The following HTRA1 variants were observed in gnomAD, a reference collection of about 807,000 sequenced individuals.
HTRA1 encodes serine protease HTRA1.
A neutral mutation model predicts 49.7 loss-of-function variants in HTRA1; 26 were observed. That is an observed-to-expected ratio of 0.52 (90% CI 0.38 to 0.73). HTRA1 has a LOEUF of 0.73. Among genes scored for constraint, HTRA1 ranks in the 30% least tolerant of loss-of-function variants. The pLI is 0.00. For synonymous variants in HTRA1, 291 were observed against 286.9 expected (o/e 1.01, Z -0.14); for missense variants, 561 against 667.2 (o/e 0.84, Z 1.75).
At position 122,506,990 on chromosome 10, in the gene HTRA1, G is replaced by A; in HGVS notation, c.972+105G>A. ...CTGACTTTGTTGTAGTCTGCGTGAA[G>A]GGATGGAACTAGACCAAGCCATGTG... On this transcript the variant is annotated intron_variant, in intron 4 of 8. Coordinates refer to ENST00000368984, the MANE Select transcript of HTRA1 (RefSeq NM_002775.5). This position sits in a 1 kb window ranked among gnomAD's most constrained non-coding sequence, Gnocchi z 5.2. 2.0e-6 allele frequency: 2 copies of A among 1,018,640 alleles called. No individual in the cohort carries two copies. The highest frequency in any genetic ancestry group is 3.0e-6 in the Non-Finnish European group (2 of 671,768). 63.1% of individuals were successfully genotyped at this position (1,018,640 alleles called of 1,614,324 possible). A position where few individuals can be genotyped will look rare whatever the true frequency, so the allele number is the denominator to read the frequency against.
chr10:122,470,803 A>G (rs538289821), intron 1 of HTRA1, among the ~76,000 whole-genome samples: 4 of 152,232 alleles, frequency 2.6e-5, no homozygotes, highest in African/African-American at 9.6e-5. Flanking sequence ...GATAGAGCCA[A>G]CACCAAGAAT....
At position 122,506,566 on chromosome 10, in the gene HTRA1, C is replaced by G; in HGVS notation, c.778-125C>G. 2.5e-6 allele frequency: 2 copies of G among 810,738 alleles called. No homozygotes were observed. Among genetic ancestry groups the G allele is most frequent in the Non-Finnish European group, 2.1e-6 (1 of 477,912 alleles). The allele number at this position is 810,738 out of a possible 1,614,324, so 50.2% of individuals were successfully genotyped here. Reference sequence around the variant, plus strand: ...AGGGATGTTAGTTGTGAGCTCAGTTCCCCACCGGGCCTGGTGTTTCCAAAT... The same window carrying G: ...AGGGATGTTAGTTGTGAGCTCAGTTGCCCACCGGGCCTGGTGTTTCCAAAT... On this transcript the variant is annotated intron_variant, in intron 3 of 8. Coordinates refer to ENST00000368984, the MANE Select transcript of HTRA1 (RefSeq NM_002775.5). This position sits in a 1 kb window ranked among gnomAD's most constrained non-coding sequence, Gnocchi z 5.2.
chr10:122,482,213 T>G (rs1053263354), intron 1 of HTRA1, among the ~76,000 whole-genome samples: 8 of 152,302 alleles, frequency 5.3e-5, no homozygotes, highest in African/African-American at 1.7e-4. Context: ...GTGCACCTGT[T>G]GGGTGTCACA....
chr10:122,475,738 G>A (rs565727642), intron 1 of HTRA1, among the ~76,000 whole-genome samples: 14 of 152,164 alleles, frequency 9.2e-5, no homozygotes, highest in African/African-American at 2.4e-4. Flanking sequence ...AAATCCAGTC[G>A]CACAGGCCCC....
intron 6 of HTRA1, among the ~76,000 whole-genome samples, chr10:122,509,283 A>T (rs903325485): frequency 6.6e-6 from 1 of 152,186 alleles, no homozygotes; most frequent in Non-Finnish European, 1.5e-5. Context: ...AAATAATCAA[A>T]CACATAAGAT....
chr10:122,499,354 G>C (rs951253203), intron 3 of HTRA1, among the ~76,000 whole-genome samples: 1 of 152,216 alleles, frequency 6.6e-6, no homozygotes, highest in African/African-American at 2.4e-5. Flanking sequence ...CATTGTGATA[G>C]GTCGAGAGAG....
Position 122,505,311 on chromosome 10 carries a change from C to T in HTRA1, c.778-1380C>T, listed in dbSNP as rs185479443. Among the ~76,000 whole-genome samples the T allele has an allele frequency of 3.8e-4, 58 of 152,250 alleles. 4 individuals carry two copies. In the East Asian group the frequency reaches 8.5e-3, roughly 22 times the overall value. On this transcript the variant is annotated intron_variant, in intron 3 of 8. Coordinates refer to ENST00000368984, the MANE Select transcript of HTRA1 (RefSeq NM_002775.5). ...GAGGGACCTTCCTCCTCCTCAGTCTCGTATAGTCAGTTTTAGGTCTTGGAC... is the reference window on the plus strand; with the variant it reads ...GAGGGACCTTCCTCCTCCTCAGTCTTGTATAGTCAGTTTTAGGTCTTGGAC...
chr10:122,466,497 G>T (rs147781852), intron 1 of HTRA1, among the ~76,000 whole-genome samples: 5 of 152,150 alleles, frequency 3.3e-5, no homozygotes, highest in South Asian at 2.1e-4. Context: ...TGACTCTTTC[G>T]TGGGAACCTC....
chr10:122,514,152 A>G, intron 8 of HTRA1, 39 bp from the exon 9 acceptor site: 1 of 1,604,980 alleles, frequency 6.2e-7, no homozygotes, highest in Non-Finnish European at 8.5e-7. Flanking sequence ...AGGAATGGAA[A>G]CACGAAACAT....
At chr10:122,507,287 G>A in intron 4 of HTRA1, 83 bp from the exon 5 acceptor site, 2 of 1,101,224 alleles carry the variant, frequency 1.8e-6, no homozygotes, top group South Asian at 1.2e-5. Flanking sequence ...TAGGCACCGT[G>A]CTCAGGAAAC....
Position 122,461,692 on chromosome 10 carries a change from C to T in HTRA1, c.40C>T (p.Leu14=). Residue 14 remains leucine, a synonymous_variant, in exon 1 of 9, where the codon CTG becomes TTG. Transcript: ENST00000368984. ...CGCCGCTCTTCTCCCGCTGCTGCTG[C>T]TGCTGCTGGCGGCGCCCGCCTCGGC... ...PRAALLPLLL[L]LLAAPASAQL... The T allele has an allele frequency of 5.4e-6, 7 of 1,306,754 alleles. No individual in the cohort carries two copies. The highest frequency in any genetic ancestry group is 6.9e-6 in the Non-Finnish European group (7 of 1,012,464). The allele number at this position is 1,306,754 out of a possible 1,614,324, so 80.9% of individuals were successfully genotyped here.
intron 1 of HTRA1, among the ~76,000 whole-genome samples, chr10:122,470,063 G>A (rs577196738): frequency 6.6e-6 from 1 of 152,300 alleles, no homozygotes; most frequent in South Asian, 2.1e-4. Flanking sequence ...GTTGAATGGA[G>A]TGTTCTATAA....
At chr10:122,473,104 C>T (rs2097486864) in intron 1 of HTRA1, among the ~76,000 whole-genome samples, 2 of 152,196 alleles carry the variant, frequency 1.3e-5, no homozygotes, top group Non-Finnish European at 2.9e-5. Flanking sequence ...TACTTTTATT[C>T]TCAGGTTGAT....
chr10:122,480,677 C>T (rs2097490613), intron 1 of HTRA1, among the ~76,000 whole-genome samples: 2 of 152,112 alleles, frequency 1.3e-5, no homozygotes, highest in South Asian at 4.2e-4. Context: ...GCCCTGTGCT[C>T]TGGAGGGAGG....
chr10:122,514,295 TGGTGGTCCGCAGG>T lies in HTRA1; in HGVS notation c.1383_1395del (p.Val462MetfsTer5). On this transcript the variant is annotated frameshift_variant, in exon 9 of 9. Coordinates refer to ENST00000368984, the MANE Select transcript of HTRA1 (RefSeq NM_002775.5). LOFTEE classifies it high-confidence loss of function. ...ATTAAAAGGGAAAGCACCCTGAACATGGTGGTCCGCAGGGGTAATGAAGATATCATGATCACAG... is the reference window on the plus strand; with the variant it reads ...ATTAAAAGGGAAAGCACCCTGAACATGGTAATGAAGATATCATGATCACAG... 6.2e-7 allele frequency: 1 copy of T among 1,614,098 alleles called. No individual in the cohort carries two copies. The highest frequency in any genetic ancestry group is 8.5e-7 in the Non-Finnish European group (1 of 1,179,992).
In HTRA1 at chr10:122,486,739, C is replaced by CGTGT. The variant is rs34013554; in HGVS notation, c.473-2148_473-2145dup. ...GTTGCCACTCTAGTGATGAGAGAGGCGTGTGTGTGTGTGTGTGTATGCGTC... is the reference window on the plus strand; with the variant it reads ...GTTGCCACTCTAGTGATGAGAGAGGCGTGTGTGTGTGTGTGTGTGTGTATGCGTC... On this transcript the variant is annotated intron_variant, in intron 1 of 8. Transcript: ENST00000368984. Among the ~76,000 whole-genome samples, 431 of 150,070 alleles carry CGTGT rather than the reference C, an allele frequency of 2.9e-3. 6 individuals carry two copies. Among genetic ancestry groups the CGTGT allele is most frequent in the Admixed American group, 0.021 (309 of 15,042 alleles).
In HTRA1 at chr10:122,490,772, A is replaced by G. The variant is rs927921018; in HGVS notation, c.777+1146A>G. ...ACGCTGGTTACACCTCCTTCTGGAA[A>G]CAACTCTGCGTGTGCTGTTTGGGTG... On this transcript the variant is annotated intron_variant, in intron 3 of 8. Coordinates refer to ENST00000368984, the MANE Select transcript of HTRA1 (RefSeq NM_002775.5). This position sits in a 1 kb window ranked among gnomAD's most constrained non-coding sequence, Gnocchi z 4.2. Among the ~76,000 whole-genome samples the G allele has an allele frequency of 1.3e-5, 2 of 152,198 alleles. No individual in the cohort carries two copies. The highest frequency in any genetic ancestry group is 4.8e-5 in the African/African-American group (2 of 41,454).
At chr10:122,471,448 C>G (rs1355917335) in intron 1 of HTRA1, among the ~76,000 whole-genome samples, 2 of 152,224 alleles carry the variant, frequency 1.3e-5, no homozygotes, top group Non-Finnish European at 2.9e-5. Context: ...AAATATCATT[C>G]TGCTCCGACC....
At chr10:122,509,074 A>G (rs926481564) in intron 6 of HTRA1, among the ~76,000 whole-genome samples, 1 of 152,148 alleles carries the variant, frequency 6.6e-6, no homozygotes, top group African/African-American at 2.4e-5. Flanking sequence ...CTTTTGCCCT[A>G]TCAGTTAGGA....
Sources: gnomAD v4.1 joint callset for allele counts (sites outside exome capture counted in the v4.1 genomes callset) on GRCh38, gnomAD v4.1.1 for gene constraint, Gnocchi (gnomAD v3.1) non-coding constraint, MANE v1.5 for transcripts, NCBI Gene and HGNC (gene_info 2026-07-23, HGNC 2026-07-21) for gene names.